Variants in SULT6B1 observed in about 807,000 individuals in gnomAD.
SULT6B1 encodes sulfotransferase 6B1.
A neutral mutation model predicts 37.2 loss-of-function variants in SULT6B1; 44 were observed. The observed-to-expected ratio is 1.18, with a 90% CI of 0.93 to 1.52. SULT6B1 has a LOEUF of 1.52. SULT6B1 is among the 40% of genes most tolerant of loss of function. SULT6B1 has a pLI of 0.00. For missense variants in SULT6B1, 450 were observed against 361.0 expected, an observed-to-expected ratio of 1.25 and a Z score of -2.00; for synonymous variants, 140 against 126.0, an observed-to-expected ratio of 1.11 and a Z score of -0.74.
intron 3 of SULT6B1, 32 bp from the exon 4 acceptor site, chr2:37,179,616 G>T: frequency 6.2e-7 from 1 of 1,602,842 alleles, no homozygotes; most frequent in Non-Finnish European, 8.5e-7. Context: ...AATTTATTTG[G>T]GTCTATGTTT....
intron 4 of SULT6B1, among the ~76,000 whole-genome samples, 153 bp from the exon 5 acceptor site, chr2:37,175,379 T>C (rs1229506642): frequency 6.6e-6 from 1 of 152,214 alleles, no homozygotes; most frequent in Admixed American, 6.5e-5. Flanking sequence ...AAAGCTGATA[T>C]AAATCAGTCC....
intron 6 of SULT6B1, among the ~76,000 whole-genome samples, chr2:37,168,268 C>T (rs1420740112): frequency 6.6e-6 from 1 of 152,156 alleles, no homozygotes; most frequent in African/African-American, 2.4e-5. Context: ...TCAAGCAATT[C>T]TCCCTGCCTT....
chr2:37,185,359 A>G lies in SULT6B1; in HGVS notation c.313-1845T>C, dbSNP rs572755287. On this transcript the variant is annotated intron_variant, in intron 2 of 6. Transcript: ENST00000535679. ...TTTAAGGAAAAATATGTACTCCAGA[A>G]AAGTTCTCTGTAAAGCAAATAATTG... 7.0e-4 allele frequency among the ~76,000 whole-genome samples: 107 copies of G among 152,308 alleles called. 1 individual carries two copies. The South Asian group carries it at 0.02, about 29-fold the overall frequency.
upstream of SULT6B1, among the ~76,000 whole-genome samples, chr2:37,192,204 T>C (rs763770489): frequency 9.2e-5 from 14 of 152,190 alleles, no homozygotes; most frequent in Non-Finnish European, 5.9e-5. Flanking sequence ...TATATATCAA[T>C]TGTAAGATGC....
intron 2 of SULT6B1, among the ~76,000 whole-genome samples, 156 bp downstream of exon 2, chr2:37,187,199 A>T (rs1331533910): frequency 3.3e-5 from 5 of 152,230 alleles, no homozygotes; most frequent in African/African-American, 1.2e-4. Context: ...AGAAAATGAG[A>T]TGATACCTGA....
chr2:37,179,663 C>G (rs1676508046), intron 3 of SULT6B1, 79 bp from the exon 4 acceptor site: 1 of 1,262,376 alleles, frequency 7.9e-7, no homozygotes, highest in African/African-American at 1.5e-5. Context: ...GCAATATCAT[C>G]ATGTCCACTC....
intron 4 of SULT6B1, among the ~76,000 whole-genome samples, chr2:37,177,378 C>G (rs1451126326): frequency 2.3e-5 from 3 of 131,208 alleles, no homozygotes; most frequent in African/African-American, 8.8e-5. Flanking sequence ...TGCCGCTACA[C>G]TCCAGCCTAG....
chr2:37,168,148 C>G (rs547798790), intron 6 of SULT6B1, 83 bp from the exon 7 acceptor site: 1 of 1,339,942 alleles, frequency 7.5e-7, no homozygotes, highest in African/African-American at 1.5e-5. Flanking sequence ...CAATATTTCA[C>G]TCTGATATGT....
chr2:37,188,346 G>T, intron 1 of SULT6B1, 96 bp downstream of exon 1: 1 of 999,394 alleles, frequency 1.0e-6, no homozygotes, highest in Non-Finnish European at 1.5e-6. Context: ...ACAGATTCCT[G>T]CAATGAGGAA....
intron 5 of SULT6B1, 124 bp downstream of exon 5, chr2:37,175,008 A>G (rs140757686): frequency 3.1e-5 from 16 of 516,376 alleles, no homozygotes; most frequent in Middle Eastern, 5.5e-4. Flanking sequence ...GCACTGTACC[A>G]TATATCTGGA....
chr2:37,168,192 T>C, intron 6 of SULT6B1, 127 bp from the exon 7 acceptor site: 1 of 933,638 alleles, frequency 1.1e-6, no homozygotes, highest in Non-Finnish European at 1.5e-6. Context: ...CTTTACACTC[T>C]TTATTTAGTT....
intron 5 of SULT6B1, among the ~76,000 whole-genome samples, chr2:37,174,779 A>G (rs1342396997): frequency 2.6e-5 from 3 of 117,054 alleles, no homozygotes; most frequent in Non-Finnish European, 5.2e-5. Context: ...ACATCAATAA[A>G]CAATTTTTAA....
Position 37,169,684 on chromosome 2 carries a change from AG to A in SULT6B1, c.782-1620del, listed in dbSNP as rs1445462954. 1.1e-4 allele frequency among the ~76,000 whole-genome samples: 16 copies of A among 152,242 alleles called. No individual in the cohort carries two copies. In the Middle Eastern group the frequency reaches 0.017, roughly 162 times the overall value. Reference sequence around the variant, plus strand: ...TAATTTTTATATTTTTGGTAGAGACAGGGTTTCACCATCTTCGCCAGGCTGG... The same window carrying A: ...TAATTTTTATATTTTTGGTAGAGACAGGTTTCACCATCTTCGCCAGGCTGG... On this transcript the variant is annotated intron_variant, in intron 6 of 6. Transcript: ENST00000535679.
rs926329255 is a variant in SULT6B1 at position 37,185,623 on chromosome 2, C to G, written c.312+1732G>C. Among the ~76,000 whole-genome samples, 3 of 147,018 alleles carry G rather than the reference C, an allele frequency of 2.0e-5. No individual in the cohort carries two copies. The Admixed American group carries it at 2.1e-4, about 10-fold the overall frequency. ...ATCCCAGCTACTCGAGAGGCTGAGG[C>G]AGGAGAATTGCTTGAACCCAGGAGG... On this transcript the variant is annotated intron_variant, in intron 2 of 6. Coordinates refer to ENST00000535679, the MANE Select transcript of SULT6B1 (RefSeq NM_001367551.1).
chr2:37,188,288 C>A (rs1676714836), intron 1 of SULT6B1, among the ~76,000 whole-genome samples, 154 bp downstream of exon 1: 1 of 152,168 alleles, frequency 6.6e-6, no homozygotes, highest in Admixed American at 6.5e-5. Context: ...ACTGATTTTA[C>A]AACCTACGTA....
chr2:37,184,263 G>C (rs1676622532), intron 2 of SULT6B1, among the ~76,000 whole-genome samples: 1 of 152,122 alleles, frequency 6.6e-6, no homozygotes, highest in Non-Finnish European at 1.5e-5. Flanking sequence ...TGTTTAACCA[G>C]CTAAAACTCT....
At chr2:37,179,606 A>G (rs751287182) in intron 3 of SULT6B1, 22 bp from the exon 4 acceptor site, 1 of 1,606,822 alleles carries the variant, frequency 6.2e-7, no homozygotes, top group Non-Finnish European at 8.5e-7. Context: ...AAATTGAGTT[A>G]ATTTATTTGG....
chr2:37,185,537 C>T (rs141662258), intron 2 of SULT6B1, among the ~76,000 whole-genome samples: 4,111 of 151,608 alleles, frequency 0.027, 171 homozygotes, highest in African/African-American at 0.093. Flanking sequence ...TCCAACATGA[C>T]GAAACCCCGT....
chr2:37,183,856 C>G (rs985101117), intron 2 of SULT6B1, among the ~76,000 whole-genome samples: 2 of 152,120 alleles, frequency 1.3e-5, no homozygotes, highest in African/African-American at 4.8e-5. Flanking sequence ...GTTGGCCTGG[C>G]TGGTCTGAAA....
Sources: gnomAD v4.1 joint callset for allele counts (sites outside exome capture counted in the v4.1 genomes callset) on GRCh38, gnomAD v4.1.1 for gene constraint, MANE v1.5 for transcripts, NCBI Gene and HGNC (gene_info 2026-07-23, HGNC 2026-07-21) for gene names.